The following GIT1 variants were observed in gnomAD, a reference collection of about 807,000 sequenced individuals.
GIT1 encodes GIT ArfGAP 1, also known as ARF GTPase-activating protein GIT1.
Under a neutral mutation model 91.7 loss-of-function variants are expected in GIT1, and 14 were observed. That is an observed-to-expected ratio of 0.15 (90% CI 0.10 to 0.24). GIT1 has a LOEUF of 0.24. Ranked by LOEUF, GIT1 falls within the 10% of genes least tolerant of loss-of-function variation. The probability of loss-of-function intolerance (pLI) is 1.00; values close to 1 mark genes in which losing one functional copy is unlikely to be tolerated. For synonymous variants in GIT1, 414 were observed against 418.2 expected (o/e 0.99, Z 0.12); for missense variants, 717 against 1,024.9 (o/e 0.70, Z 4.10).
In GIT1 at chr17:29,577,139, T is replaced by C. The variant is rs1263715815; in HGVS notation, c.1090A>G (p.Thr364Ala). The C allele has an allele frequency of 6.2e-7, 1 of 1,613,356 alleles. No homozygotes were observed. Among genetic ancestry groups the C allele is most frequent in the Non-Finnish European group, 8.5e-7 (1 of 1,179,532 alleles). The change falls in exon 11 of 20, where the codon ACA becomes GCA. Residue 364 changes from threonine to alanine, a missense_variant. Transcript: ENST00000225394. ...RQQGKSLSSP[T>A]DNLELSLRSQ... is the part of the protein sequence containing the mutation. ...CCCTCCCACACAACCCTCCCACCTG[T>C]GGGGCTGCTCAGGCTCTTGCCCTGC...
intron 1 of GIT1, 103 bp from the exon 2 acceptor site, chr17:29,583,719 C>G: frequency 7.9e-7 from 1 of 1,261,806 alleles, no homozygotes; most frequent in South Asian, 1.5e-5. Flanking sequence ...CACACATTCA[C>G]TCACTCAGTC....
intron 10 of GIT1, 67 bp downstream of exon 10, chr17:29,577,578 C>A: frequency 4.8e-6 from 5 of 1,047,874 alleles, no homozygotes. Context: ...CCCCAGCCCA[C>A]TGCCGGATGA....
At position 29,576,101 on chromosome 17, in the gene GIT1, G is replaced by A. The variant is rs981901575; in HGVS notation, c.1642C>T (p.His548Tyr). Residue 548 changes from histidine (H) to tyrosine (Y), a missense_variant, in exon 15 of 20, where the codon CAC becomes TAC. This residue lies in a region of GIT1 where 312 missense variants were observed against 349.5 expected (regional missense o/e 0.89). Transcript: ENST00000225394. Reference sequence around the variant, plus strand: ...ACCCGGTAAAGGCCAGCAGGGACGTGCACTGAATAGATGGCGTCGTCCTCT... The same window carrying A: ...ACCCGGTAAAGGCCAGCAGGGACGTACACTGAATAGATGGCGTCGTCCTCT... The part of the protein sequence containing the change: ...ELEDDAIYSV[H>Y]VPAGLYRIRK... The A allele has an allele frequency of 6.2e-7, 1 of 1,613,624 alleles. No homozygotes were observed. Among genetic ancestry groups the A allele is most frequent in the African/African-American group, 1.3e-5 (1 of 74,902 alleles).
chr17:29,579,375 C>T (rs2033321483), intron 7 of GIT1: 1 of 283,012 alleles, frequency 3.5e-6, no homozygotes, highest in East Asian at 7.8e-5. Flanking sequence ...TTTGGATACA[C>T]CTGGCTGCAC....
chr17:29,578,462 C>T (rs1405996609), intron 8 of GIT1, 91 bp from the exon 9 acceptor site: 20 of 1,221,076 alleles, frequency 1.6e-5, no homozygotes, highest in East Asian at 4.6e-5. Flanking sequence ...CTTGGGGAAC[C>T]GGTGGCCTTC....
At chr17:29,587,074 T>G (rs2033616866) in intron 1 of GIT1, among the ~76,000 whole-genome samples, 1 of 152,144 alleles carries the variant, frequency 6.6e-6, no homozygotes, top group Non-Finnish European at 1.5e-5. Flanking sequence ...CCCACTCCTG[T>G]GGTTAGGACT....
chr17:29,575,966 G>T lies in GIT1; in HGVS notation c.1666-68C>A. 6.5e-7 allele frequency: 1 copy of T among 1,532,232 alleles called. No individual in the cohort carries two copies. The highest frequency in any genetic ancestry group is 9.0e-7 in the Non-Finnish European group (1 of 1,109,284). 94.9% of individuals were successfully genotyped at this position (1,532,232 alleles called of 1,614,324 possible). Reference sequence around the variant, plus strand: ...TGCCCCCCTGCTCACCAGCAGTGCAGCAGGGACCAGGTCAGTCTAATCATC... The same window carrying T: ...TGCCCCCCTGCTCACCAGCAGTGCATCAGGGACCAGGTCAGTCTAATCATC... On this transcript the variant is annotated intron_variant, in intron 15 of 19. Coordinates refer to ENST00000225394, the MANE Select transcript of GIT1 (RefSeq NM_014030.4). This position sits in a 1 kb window ranked among gnomAD's most constrained non-coding sequence, Gnocchi z 5.5.
Position 29,578,612 on chromosome 17 carries a change from G to A in GIT1, c.810+119C>T, listed in dbSNP as rs534190718. 1.0e-5 allele frequency: 10 copies of A among 970,796 alleles called. No individual in the cohort carries two copies. In the East Asian group the frequency reaches 1.4e-4, roughly 14 times the overall value. 60.1% of individuals were successfully genotyped at this position (970,796 alleles called of 1,614,324 possible). On this transcript the variant is annotated intron_variant, in intron 8 of 19. Coordinates refer to ENST00000225394, the MANE Select transcript of GIT1 (RefSeq NM_014030.4). ...GAGGGGACTGCTGAGGCCAGTGAGG[G>A]GACAGGTCAAAGACTTGGAAAAGGT...
chr17:29,588,550 G>T (rs891097871), intron 1 of GIT1, among the ~76,000 whole-genome samples: 5 of 152,200 alleles, frequency 3.3e-5, no homozygotes, highest in African/African-American at 1.2e-4. Flanking sequence ...CCCATTTCTG[G>T]CCAGACTGGG....
intron 7 of GIT1, chr17:29,579,182 C>A (rs1391842704): frequency 6.7e-6 from 4 of 599,552 alleles, no homozygotes; most frequent in Non-Finnish European, 9.0e-6. Context: ...CTCTCAGTGA[C>A]CTGTTTGTCC....
intron 15 of GIT1, 63 bp downstream of exon 15, chr17:29,576,015 G>A (rs753532899): frequency 1.4e-5 from 22 of 1,576,468 alleles, no homozygotes; most frequent in Non-Finnish European, 1.8e-5. Flanking sequence ...TCAGCACAGA[G>A]CCCAGAACCC....
chr17:29,589,416 G>T lies in GIT1; in HGVS notation c.-38C>A. 2.1e-6 allele frequency: 2 copies of T among 933,490 alleles called. No homozygotes were observed. The highest frequency in any genetic ancestry group is 2.6e-6 in the Non-Finnish European group (2 of 783,818). The allele number at this position is 933,490 out of a possible 1,614,324, so 57.8% of individuals were successfully genotyped here. A position where few individuals can be genotyped will look rare whatever the true frequency, so the allele number is the denominator to read the frequency against. On this transcript the variant is annotated 5_prime_UTR_variant, in exon 1 of 20. Coordinates refer to ENST00000225394, the MANE Select transcript of GIT1 (RefSeq NM_014030.4). The surrounding 1 kb of genome is among the most constrained non-coding windows in gnomAD (Gnocchi z 5.2). ...CGCGGCCGCAGCCCTCTGGGCCAGC[G>T]TGGGGGGCGCGGGCGGCGGGCCCGG...
chr17:29,587,166 C>T (rs2033619493), intron 1 of GIT1, among the ~76,000 whole-genome samples: 1 of 152,146 alleles, frequency 6.6e-6, no homozygotes, highest in African/African-American at 2.4e-5. Flanking sequence ...GATCTGGACT[C>T]CGGACTGCTG....
chr17:29,574,455 G>C lies in GIT1; in HGVS notation c.*247C>G, dbSNP rs552908027. The C allele has an allele frequency of 2.0e-4, 109 of 554,338 alleles. No individual in the cohort carries two copies. The Middle Eastern group carries it at 2.3e-3, about 11-fold the overall frequency. 34.3% of individuals were successfully genotyped at this position (554,338 alleles called of 1,614,324 possible). On this transcript the variant is annotated 3_prime_UTR_variant, in exon 20 of 20. Transcript: ENST00000225394. ...CTTGCAGGCCCCTGCTCACTAGGAGGGGGGAGATGCTATATACAGAGGGGA... is the reference window on the plus strand; with the variant it reads ...CTTGCAGGCCCCTGCTCACTAGGAGCGGGGAGATGCTATATACAGAGGGGA...
intron 10 of GIT1, 65 bp downstream of exon 10, chr17:29,577,580 G>A (rs1445418116): frequency 1.9e-6 from 2 of 1,058,680 alleles, no homozygotes; most frequent in Non-Finnish European, 3.0e-6. Context: ...CCAGCCCACT[G>A]CCGGATGAGG....
Position 29,582,585 on chromosome 17 carries a change from ACCTGGCTG to A in GIT1, c.405+105_405+112del, listed in dbSNP as rs2033438729. On this transcript the variant is annotated intron_variant, in intron 4 of 19. Transcript: ENST00000225394. ...CTCCACCCTGTCTACTGTTACCCTG[ACCTGGCTG>A]CCTTTGGGGCCCAGGGCTCAGTGGG... is the stretch of plus-strand genomic sequence containing the variant. 49 of 726,572 alleles carry A rather than the reference ACCTGGCTG, an allele frequency of 6.7e-5. 1 individual carries two copies. The South Asian group carries it at 7.6e-4, about 11-fold the overall frequency. 45.0% of individuals were successfully genotyped at this position (726,572 alleles called of 1,614,324 possible). A position where few individuals can be genotyped will look rare whatever the true frequency, so the allele number is the denominator to read the frequency against.
At chr17:29,580,918 T>C (rs1313770234) in intron 7 of GIT1, 2 of 214,858 alleles carry the variant, frequency 9.3e-6, no homozygotes, top group Non-Finnish European at 1.9e-5. Flanking sequence ...GTAGCTGAGA[T>C]ACAGGCATGC....
chr17:29,576,718 G>T (rs771517486), intron 12 of GIT1, 44 bp from the exon 13 acceptor site: 6 of 1,609,838 alleles, frequency 3.7e-6, no homozygotes, highest in Non-Finnish European at 5.1e-6. Context: ...GGGGCAGGGA[G>T]GCCAACACCC....
At chr17:29,580,073 CCT>C (rs1300340492) in intron 7 of GIT1, among the ~76,000 whole-genome samples, 4 of 152,166 alleles carry the variant, frequency 2.6e-5, no homozygotes, top group African/African-American at 9.7e-5. Flanking sequence ...CATGCCTCTG[CCT>C]CTCTTGCTGC....
Sources: allele counts gnomAD v4.1 joint callset (sites outside exome capture counted in the v4.1 genomes callset), GRCh38; gene constraint gnomAD v4.1.1; regional missense constraint gnomAD v4.1.1; non-coding constraint Gnocchi (gnomAD v3.1); transcripts MANE v1.5; gene names NCBI Gene and HGNC (gene_info 2026-07-23, HGNC 2026-07-21).